Variants in ADGRL4 observed in about 807,000 individuals in gnomAD.
The protein encoded by ADGRL4 is adhesion G protein-coupled receptor L4.
ADGRL4 carries 90 observed loss-of-function variants against 74.8 expected under a neutral mutation model. The observed-to-expected ratio is 1.20, with a 90% CI of 1.02 to 1.43. The LOEUF (loss-of-function observed/expected upper bound fraction) is 1.43, where lower values mean the gene tolerates loss of function less well. Among genes scored for constraint, ADGRL4 ranks in the 40% most tolerant of loss-of-function variants. The probability of loss-of-function intolerance (pLI) is 0.00; values close to 1 mark genes in which losing one functional copy is unlikely to be tolerated. For synonymous variants in ADGRL4, 311 were observed against 279.2 expected, an observed-to-expected ratio of 1.11 and a Z score of -1.14; for missense variants, 881 against 814.3, an observed-to-expected ratio of 1.08 and a Z score of -1.00.
intron 8 of ADGRL4, among the ~76,000 whole-genome samples, chr1:78,925,677 A>G (rs1649095500): frequency 1.3e-5 from 2 of 152,078 alleles, no homozygotes; most frequent in African/African-American, 4.8e-5. Context: ...TTGAATGGAA[A>G]ATATATTTGA....
chr1:78,920,290 A>G lies in ADGRL4; in HGVS notation c.1354T>C (p.Phe452Leu), dbSNP rs754284633. 1 of 1,611,858 alleles carries G rather than the reference A, an allele frequency of 6.2e-7. No homozygotes were observed. The highest frequency in any genetic ancestry group is 1.3e-5 in the African/African-American group (1 of 74,792). Residue 452 changes from phenylalanine to leucine, a missense_variant, in exon 10 of 15, where the codon TTC (phenylalanine) becomes CTC (leucine). Physicochemically the swap from Phe to Leu is conservative, Grantham distance 22. Coordinates refer to ENST00000370742, the MANE Select transcript of ADGRL4 (RefSeq NM_022159.4). ...LAICIFTFWF[F>L]SEIQSTRTTI... ...GTCCTGGTGCTTTGAATTTCACTGA[A>G]GAACCAGAAGGTAAAAATGCATATG...
chr1:79,005,964 T>A (rs562594920), intron 1 of ADGRL4, among the ~76,000 whole-genome samples: 2 of 152,300 alleles, frequency 1.3e-5, no homozygotes, highest in East Asian at 3.9e-4. Flanking sequence ...AACAAGACTA[T>A]ACATCAGAGT....
intron 13 of ADGRL4, among the ~76,000 whole-genome samples, chr1:78,892,106 A>C (rs1427320144): frequency 6.6e-6 from 1 of 152,180 alleles, no homozygotes; most frequent in Admixed American, 6.6e-5. Context: ...AAGAAAGTAT[A>C]CCATGTGGAC....
chr1:78,980,732 G>A (rs534211111), intron 2 of ADGRL4, among the ~76,000 whole-genome samples: 125 of 151,970 alleles, frequency 8.2e-4, no homozygotes, highest in African/African-American at 2.8e-3. Flanking sequence ...GAGAGGTCAC[G>A]AGGTTCATCT....
chr1:78,950,544 A>C (rs768328632), intron 2 of ADGRL4, among the ~76,000 whole-genome samples: 1 of 152,174 alleles, frequency 6.6e-6, no homozygotes, highest in Non-Finnish European at 1.5e-5. Context: ...CAAGGCTTGA[A>C]CTAACCAAAA....
intron 2 of ADGRL4, among the ~76,000 whole-genome samples, chr1:78,996,769 C>T (rs1650724502): frequency 1.3e-5 from 2 of 152,006 alleles, no homozygotes; most frequent in Non-Finnish European, 2.9e-5. Context: ...ATTTCTCAGC[C>T]CATTGTTGTA....
At position 78,891,052 on chromosome 1, in the gene ADGRL4, G is replaced by T. The variant is rs1042276811; in HGVS notation, c.*102C>A. 7.7e-6 allele frequency: 9 copies of T among 1,170,860 alleles called. No individual in the cohort carries two copies. Among genetic ancestry groups the T allele is most frequent in the Non-Finnish European group, 1.2e-5 (9 of 782,316 alleles). 72.5% of individuals were successfully genotyped at this position (1,170,860 alleles called of 1,614,324 possible). ...GATTTAAAATACTTTTTGTCTAGTA[G>T]TTAATAATTGGATAATTTGATGAGT... On this transcript the variant is annotated 3_prime_UTR_variant, in exon 15 of 15. Coordinates refer to ENST00000370742, the MANE Select transcript of ADGRL4 (RefSeq NM_022159.4).
intron 12 of ADGRL4, among the ~76,000 whole-genome samples, chr1:78,913,383 C>G (rs965947914): frequency 2.0e-5 from 3 of 151,870 alleles, no homozygotes; most frequent in South Asian, 2.1e-4. Context: ...AACTAAATGC[C>G]CATCAGTGGT....
At chr1:78,918,553 C>T (rs12031706) in intron 10 of ADGRL4, among the ~76,000 whole-genome samples, 105,034 of 151,670 alleles carry the variant, frequency 0.69, 36,407 homozygotes, top group East Asian at 0.76. Flanking sequence ...ATATCCATTA[C>T]AGAATTACTT....
chr1:78,904,222 G>A (rs1648582894), intron 12 of ADGRL4, among the ~76,000 whole-genome samples: 1 of 151,476 alleles, frequency 6.6e-6, no homozygotes, highest in Non-Finnish European at 1.5e-5. Context: ...ACCCAGAGTG[G>A]TAGATCTGCT....
intron 2 of ADGRL4, among the ~76,000 whole-genome samples, chr1:79,000,499 T>G (rs1022859797): frequency 1.3e-5 from 2 of 152,182 alleles, no homozygotes; most frequent in African/African-American, 4.8e-5. Context: ...AAAGTAAATA[T>G]TAACCTAAAG....
At chr1:78,986,701 TA>T (rs1380291130) in intron 2 of ADGRL4, among the ~76,000 whole-genome samples, 8 of 151,924 alleles carry the variant, frequency 5.3e-5, no homozygotes, top group African/African-American at 1.9e-4. Context: ...TTTCAACTTA[TA>T]AAATAACATT....
intron 2 of ADGRL4, among the ~76,000 whole-genome samples, chr1:78,976,436 C>T (rs912481586): frequency 3.3e-5 from 5 of 151,264 alleles, no homozygotes; most frequent in South Asian, 2.1e-4. Flanking sequence ...ATTAAGAAAA[C>T]AAAATAAAAT....
intron 8 of ADGRL4, among the ~76,000 whole-genome samples, chr1:78,924,831 G>T (rs531069681): frequency 6.6e-5 from 10 of 152,170 alleles, no homozygotes; most frequent in Admixed American, 1.3e-4. Flanking sequence ...AAGCATGAGC[G>T]GATGGATAGT....
At chr1:78,927,176 G>C (rs1401572878) in intron 7 of ADGRL4, 85 bp from the exon 8 acceptor site, 2 of 877,552 alleles carry the variant, frequency 2.3e-6, no homozygotes, top group African/African-American at 1.7e-5. Context: ...AAATTGAATA[G>C]ACAAACATTT....
intron 2 of ADGRL4, among the ~76,000 whole-genome samples, chr1:78,954,138 C>T (rs1273403318): frequency 1.3e-5 from 2 of 151,842 alleles, no homozygotes; most frequent in African/African-American, 4.8e-5. Flanking sequence ...AAGAGCAAAA[C>T]TCCATTTCAG....
chr1:78,956,839 A>C (rs1299050228), intron 2 of ADGRL4, among the ~76,000 whole-genome samples: 3 of 152,128 alleles, frequency 2.0e-5, no homozygotes, highest in Non-Finnish European at 4.4e-5. Flanking sequence ...GTACAGGCAT[A>C]CCTTGTCTTA....
Position 79,006,709 on chromosome 1 carries a change from T to C in ADGRL4, c.-55A>G, listed in dbSNP as rs923497181. ...GAGAGCGCGGCGGAGTGAGTGCGGC[T>C]GTGGACCCGGGACCGGGCGCCGCTG... is the stretch of plus-strand genomic sequence containing the variant. On this transcript the variant is annotated 5_prime_UTR_variant, in exon 1 of 15. Transcript: ENST00000370742. 128 of 1,419,714 alleles carry C rather than the reference T, an allele frequency of 9.0e-5. No homozygotes were observed. The highest frequency in any genetic ancestry group is 1.1e-4 in the Non-Finnish European group (122 of 1,088,430). The allele number at this position is 1,419,714 out of a possible 1,614,324, so 87.9% of individuals were successfully genotyped here. A position where few individuals can be genotyped will look rare whatever the true frequency, so the allele number is the denominator to read the frequency against.
intron 7 of ADGRL4, 95 bp downstream of exon 7, chr1:78,936,200 C>T: frequency 7.8e-7 from 1 of 1,288,640 alleles, no homozygotes; most frequent in Non-Finnish European, 1.1e-6. Context: ...TATAGGAAAC[C>T]ACATGTTACA....
Sources: gnomAD v4.1 joint callset for allele counts (sites outside exome capture counted in the v4.1 genomes callset) on GRCh38, gnomAD v4.1.1 for gene constraint, MANE v1.5 for transcripts, NCBI Gene and HGNC (gene_info 2026-07-23, HGNC 2026-07-21) for gene names.